SLC44A5: variants seen among roughly 807,000 people sequenced by gnomAD.
The protein encoded by SLC44A5 is choline transporter-like protein 5.
A neutral mutation model predicts 101.8 loss-of-function variants in SLC44A5; 57 were observed. The observed-to-expected ratio is 0.56, with a 90% CI of 0.45 to 0.70. SLC44A5 has a LOEUF of 0.70. SLC44A5 is among the 30% of genes least tolerant of loss of function. The pLI is 0.00. For missense variants in SLC44A5, 737 were observed against 853.1 expected (o/e 0.86, Z 1.70); for synonymous variants, 281 against 290.9 (o/e 0.97, Z 0.35).
At chr1:75,553,733 C>T (rs920017511) in intron 1 of SLC44A5, among the ~76,000 whole-genome samples, 1 of 152,198 alleles carries the variant, frequency 6.6e-6, no homozygotes, top group Non-Finnish European at 1.5e-5. Flanking sequence ...AGTATTTATT[C>T]ATTACTGTTG....
intron 11 of SLC44A5, among the ~76,000 whole-genome samples, chr1:75,234,565 A>T (rs1557557226): frequency 6.6e-6 from 1 of 152,052 alleles, no homozygotes; most frequent in Non-Finnish European, 1.5e-5. Flanking sequence ...ATTTTGGGGC[A>T]GAAAGATAAG....
chr1:75,675,919 A>G, the SLC44A5 span, among the ~76,000 whole-genome samples: 1 of 152,244 alleles, frequency 6.6e-6, no homozygotes, highest in African/African-American at 2.4e-5. Context: ...AAAACAAGAC[A>G]TACATGTGGC....
At chr1:75,683,737 C>A in the SLC44A5 span, among the ~76,000 whole-genome samples, 1 of 145,762 alleles carries the variant, frequency 6.9e-6, no homozygotes, top group Non-Finnish European at 1.5e-5. Flanking sequence ...GCACGTGTAC[C>A]CTAAAACTTA....
chr1:75,482,884 C>T (rs55812013), intron 2 of SLC44A5, among the ~76,000 whole-genome samples: 3,974 of 151,978 alleles, frequency 0.026, 91 homozygotes, highest in East Asian at 0.1. Context: ...ATATAAAACA[C>T]TAAGGAAATT....
At chr1:75,540,089 C>A (rs1260516606) in intron 2 of SLC44A5, among the ~76,000 whole-genome samples, 1 of 152,076 alleles carries the variant, frequency 6.6e-6, no homozygotes, top group Admixed American at 6.6e-5. Flanking sequence ...ATAATATTGC[C>A]CTGGTAATTC....
At chr1:75,585,048 G>A (rs376370079) in intron 1 of SLC44A5, among the ~76,000 whole-genome samples, 3 of 152,308 alleles carry the variant, frequency 2.0e-5, no homozygotes, top group African/African-American at 7.2e-5. Flanking sequence ...CAGAAAGTCA[G>A]AAAGCCTGGT....
intron 1 of SLC44A5, among the ~76,000 whole-genome samples, chr1:75,584,860 G>T (rs577729139): frequency 1.3e-5 from 2 of 152,300 alleles, no homozygotes; most frequent in East Asian, 1.9e-4. Context: ...GCCTCCCAAA[G>T]TGCTGGGATT....
intron 2 of SLC44A5, among the ~76,000 whole-genome samples, chr1:75,437,931 C>A: frequency 6.6e-6 from 1 of 152,092 alleles, no homozygotes; most frequent in East Asian, 1.9e-4. Context: ...CAATAATGCA[C>A]ATTTCTTTTG....
At chr1:75,631,650 C>A in the SLC44A5 span, among the ~76,000 whole-genome samples, 2 of 149,246 alleles carry the variant, frequency 1.3e-5, no homozygotes, top group Non-Finnish European at 3.0e-5. Context: ...GATTCTCCTG[C>A]CTCAGCCTCC....
chr1:75,531,338 A>C (rs917594843), intron 2 of SLC44A5, among the ~76,000 whole-genome samples: 1 of 152,162 alleles, frequency 6.6e-6, no homozygotes, highest in African/African-American at 2.4e-5. Flanking sequence ...TTGACCACTG[A>C]ATACCTATTA....
rs76898048 is a variant in SLC44A5, at chr1:75,502,174, T to C, written c.13+39261A>G. The stretch of plus-strand genomic sequence containing the variant: ...GCACCAAGTAAATGGTCAAATTCTG[T>C]ACTACACACACATGCACACTCACAG... On this transcript the variant is annotated intron_variant, in intron 2 of 23. Transcript: ENST00000370859. Among the ~76,000 whole-genome samples the C allele has an allele frequency of 3.5e-4, 54 of 152,286 alleles. No homozygotes were observed. The East Asian group carries it at 0.01, about 29-fold the overall frequency.
chr1:75,509,271 A>G (rs1192167125), intron 2 of SLC44A5, among the ~76,000 whole-genome samples: 1 of 152,236 alleles, frequency 6.6e-6, no homozygotes, highest in East Asian at 1.9e-4. Flanking sequence ...TGGGATGAGA[A>G]AAGAGTAAGA....
chr1:75,516,827 T>C (rs1415337997), intron 2 of SLC44A5, among the ~76,000 whole-genome samples: 1 of 152,178 alleles, frequency 6.6e-6, no homozygotes, highest in Non-Finnish European at 1.5e-5. Flanking sequence ...TGTCATATGG[T>C]GTATTTAAAT....
the SLC44A5 span, among the ~76,000 whole-genome samples, chr1:75,699,573 A>G: frequency 1.3e-5 from 2 of 151,390 alleles, no homozygotes; most frequent in African/African-American, 4.9e-5. Context: ...CACCATCGAG[A>G]CTAGGAAGAA....
At chr1:75,617,274 G>A in the SLC44A5 span, among the ~76,000 whole-genome samples, 2 of 152,048 alleles carry the variant, frequency 1.3e-5, no homozygotes, top group African/African-American at 4.8e-5. Flanking sequence ...GGTTAGTACA[G>A]TTCCCAGCCC....
At chr1:75,410,623 G>T (rs959830865) in intron 2 of SLC44A5, among the ~76,000 whole-genome samples, 3 of 152,098 alleles carry the variant, frequency 2.0e-5, no homozygotes, top group African/African-American at 7.2e-5. Context: ...TGTGGCAGGG[G>T]AGCTGAGAAA....
At chr1:75,700,896 G>T in the SLC44A5 span, among the ~76,000 whole-genome samples, 1 of 152,018 alleles carries the variant, frequency 6.6e-6, no homozygotes, top group Non-Finnish European at 1.5e-5. Flanking sequence ...CAAATAAACT[G>T]GAAAATCTAA....
chr1:75,678,384 A>G, the SLC44A5 span, among the ~76,000 whole-genome samples: 1 of 152,274 alleles, frequency 6.6e-6, no homozygotes, highest in Middle Eastern at 3.4e-3. Flanking sequence ...TGAAGAGAGC[A>G]GTGGTTCTCC....
chr1:75,616,231 A>AC, the SLC44A5 span, among the ~76,000 whole-genome samples: 1 of 145,476 alleles, frequency 6.9e-6, no homozygotes, highest in Admixed American at 6.7e-5. Context: ...CCCCTTCTCC[A>AC]CACCCTCCCT....
Sources: gnomAD v4.1 joint callset for allele counts (sites outside exome capture counted in the v4.1 genomes callset) on GRCh38, gnomAD v4.1.1 for gene constraint, MANE v1.5 for transcripts, NCBI Gene and HGNC (gene_info 2026-07-23, HGNC 2026-07-21) for gene names.